Variants in SOX6 observed in about 807,000 individuals in gnomAD.
SOX6 encodes the protein SRY-box transcription factor 6.
A neutral mutation model predicts 97.8 loss-of-function variants in SOX6; 11 were observed. The observed-to-expected ratio is 0.11, with a 90% CI of 0.07 to 0.19. The LOEUF (loss-of-function observed/expected upper bound fraction) is 0.19. SOX6 is among the 10% of genes least tolerant of loss of function. The pLI, the probability that SOX6 is intolerant of heterozygous loss-of-function variation, is 1.00. For missense variants in SOX6, 810 were observed against 1,039.5 expected, an observed-to-expected ratio of 0.78 and a Z score of 3.04; for synonymous variants, 360 against 371.4, an observed-to-expected ratio of 0.97 and a Z score of 0.35.
At chr11:16,002,228 G>T (rs1452857284) in intron 13 of SOX6, among the ~76,000 whole-genome samples, 1 of 152,164 alleles carries the variant, frequency 6.6e-6, no homozygotes, top group African/African-American at 2.4e-5. Flanking sequence ...AAAGCCTTTT[G>T]TGGTATTTGT....
intron 12 of SOX6, among the ~76,000 whole-genome samples, chr11:16,020,031 T>C (rs924291776): frequency 6.6e-6 from 1 of 152,122 alleles, no homozygotes; most frequent in Non-Finnish European, 1.5e-5. Flanking sequence ...CATTTGTGTA[T>C]TTTGATGTAT....
Position 16,431,551 on chromosome 11 carries a change from G to A in SOX6, c.-5+44764C>T, listed in dbSNP as rs79386149. ...AACTATAATTAAGACGATACATGGT[G>A]AAACAAAAACAAAAACAAATTAAAA... is the stretch of plus-strand genomic sequence containing the variant. On this transcript the variant is annotated intron_variant, in intron 1 of 15. Transcript: ENST00000396356. Among the ~76,000 whole-genome samples, 234 of 151,940 alleles carry A rather than the reference G, an allele frequency of 1.5e-3. 5 individuals carry two copies. The East Asian group carries it at 0.038, about 25-fold the overall frequency.
chr11:16,301,580 A>G (rs1051028846), intron 3 of SOX6, among the ~76,000 whole-genome samples: 1 of 152,172 alleles, frequency 6.6e-6, no homozygotes, highest in Non-Finnish European at 1.5e-5. Context: ...ACAGTTTGAG[A>G]AACACTGGGC....
At position 16,518,247 on chromosome 11, in the gene SOX6, T is replaced by G. The variant is rs116343813; in HGVS notation, n.610-41859A>C. Among the ~76,000 whole-genome samples, 1,265 of 152,274 alleles carry G rather than the reference T, an allele frequency of 8.3e-3. 21 individuals carry two copies. The highest frequency in any genetic ancestry group is 0.028 in the African/African-American group (1,151 of 41,574). On this transcript the variant is annotated intron_variant and non_coding_transcript_variant, in intron 4 of 5. Transcript: ENST00000524520. ...CACTGCTTCCTCAAAATAGGCTGCA[T>G]TTCCCTCCCTTCAGGGCTTTATTTA... is the stretch of plus-strand genomic sequence containing the variant.
intron 4 of SOX6, among the ~76,000 whole-genome samples, chr11:16,582,611 C>CAA (rs949864840): frequency 6.9e-6 from 1 of 145,940 alleles, no homozygotes; most frequent in Non-Finnish European, 1.5e-5. Flanking sequence ...CAAAAGATCT[C>CAA]AAAAAAAAAC....
chr11:16,366,890 C>T (rs1379742634), intron 1 of SOX6, among the ~76,000 whole-genome samples: 1 of 152,096 alleles, frequency 6.6e-6, no homozygotes, highest in Non-Finnish European at 1.5e-5. Context: ...AAGCCTTCAT[C>T]GAAGTGAATA....
intron 1 of SOX6, among the ~76,000 whole-genome samples, chr11:16,353,090 A>G (rs1003017635): frequency 1.3e-5 from 2 of 152,084 alleles, no homozygotes; most frequent in African/African-American, 4.8e-5. Context: ...CAATTATGAA[A>G]TAAAATAAGA....
At chr11:16,531,760 G>A (rs1267757449) in intron 4 of SOX6, among the ~76,000 whole-genome samples, 1 of 151,680 alleles carries the variant, frequency 6.6e-6, no homozygotes, top group African/African-American at 2.4e-5. Context: ...ACTCATACTC[G>A]CTAATCTTTT....
intron 4 of SOX6, among the ~76,000 whole-genome samples, chr11:16,544,954 C>T (rs80314949): frequency 0.018 from 2,743 of 152,138 alleles, 55 homozygotes; most frequent in African/African-American, 0.049. Flanking sequence ...CCAGGCACCA[C>T]GGCTCACATC....
At chr11:16,095,848 A>G (rs1432652803) in intron 9 of SOX6, 148 bp downstream of exon 9, 10 of 906,660 alleles carry the variant, frequency 1.1e-5, no homozygotes, top group Non-Finnish European at 1.5e-5. Context: ...GCAAAAGAAG[A>G]GCCTCCTTAG....
At chr11:16,614,119 A>T (rs778262783) in intron 3 of SOX6, among the ~76,000 whole-genome samples, 4 of 152,188 alleles carry the variant, frequency 2.6e-5, no homozygotes, top group Non-Finnish European at 4.4e-5. Flanking sequence ...GCTCCAAGTC[A>T]GGGGCTGCGG....
intron 2 of SOX6, among the ~76,000 whole-genome samples, chr11:16,730,455 A>C (rs1032203414): frequency 2.0e-5 from 3 of 152,160 alleles, no homozygotes; most frequent in Non-Finnish European, 4.4e-5. Context: ...TCAAAACCGC[A>C]CAACTACATG....
intron 1 of SOX6, among the ~76,000 whole-genome samples, chr11:16,432,968 C>T (rs753790085): frequency 1.3e-5 from 2 of 151,970 alleles, no homozygotes; most frequent in Admixed American, 1.3e-4. Flanking sequence ...TGCTGTACAG[C>T]CAGTAATCTT....
intron 9 of SOX6, among the ~76,000 whole-genome samples, chr11:16,068,316 A>G (rs1233727867): frequency 6.6e-6 from 1 of 152,340 alleles, no homozygotes; most frequent in East Asian, 1.9e-4. Context: ...AAATGGTGAC[A>G]GGCGTAATTA....
chr11:16,164,092 T>C (rs1850824431), intron 6 of SOX6, among the ~76,000 whole-genome samples: 1 of 152,106 alleles, frequency 6.6e-6, no homozygotes, highest in African/African-American at 2.4e-5. Context: ...GCTCAAGTGA[T>C]CCCACCTCAG....
intron 4 of SOX6, among the ~76,000 whole-genome samples, chr11:16,187,589 C>T (rs1233018092): frequency 6.6e-6 from 1 of 151,834 alleles, no homozygotes; most frequent in Non-Finnish European, 1.5e-5. Flanking sequence ...CCAAGTTCAT[C>T]TGTAAAGGCA....
intron 12 of SOX6, among the ~76,000 whole-genome samples, chr11:16,027,508 C>T (rs1178252331): frequency 1.3e-5 from 2 of 152,160 alleles, no homozygotes; most frequent in East Asian, 3.9e-4. Context: ...CAAGAGCCTG[C>T]TTTAGTCGTA....
chr11:15,971,249 T>G lies in SOX6; in HGVS notation c.*1560A>C, dbSNP rs553169174. The G allele has an allele frequency of 2.0e-5, 3 of 152,820 alleles. No individual in the cohort carries two copies. In the East Asian group the frequency reaches 5.8e-4, roughly 29 times the overall value. The allele number at this position is 152,820 out of a possible 1,614,324, so 9.5% of individuals were successfully genotyped here. A position where few individuals can be genotyped will look rare whatever the true frequency, so the allele number is the denominator to read the frequency against. On this transcript the variant is annotated 3_prime_UTR_variant, in exon 16 of 16. Coordinates refer to ENST00000683767, the MANE Select transcript of SOX6 (RefSeq NM_001367873.1). The stretch of plus-strand genomic sequence containing the variant: ...ATTCTCTAGATGTATCATGACTATT[T>G]GCCACCATCTTTGCTCTGAGGCTGT...
At chr11:16,499,544 G>T (rs574138213) in intron 4 of SOX6, among the ~76,000 whole-genome samples, 2 of 151,994 alleles carry the variant, frequency 1.3e-5, no homozygotes, top group South Asian at 4.1e-4. Flanking sequence ...AAAGATCAAC[G>T]AAATTGATAA....
Sources: gnomAD v4.1 joint callset for allele counts (sites outside exome capture counted in the v4.1 genomes callset) on GRCh38, gnomAD v4.1.1 for gene constraint, MANE v1.5 for transcripts, NCBI Gene and HGNC (gene_info 2026-07-23, HGNC 2026-07-21) for gene names.